Variants in PPA2 observed in about 807,000 individuals in gnomAD.
PPA2 encodes the protein inorganic pyrophosphatase 2, mitochondrial.
A neutral mutation model predicts 49.5 loss-of-function variants in PPA2; 48 were observed. That is an observed-to-expected ratio of 0.97 (90% CI 0.77 to 1.23). The LOEUF (loss-of-function observed/expected upper bound fraction) is 1.23. PPA2 is among the 50% of genes most tolerant of loss of function. The probability of loss-of-function intolerance (pLI) is 0.00; values close to 1 mark genes in which losing one functional copy is unlikely to be tolerated. For synonymous variants in PPA2, 131 were observed against 139.9 expected, an observed-to-expected ratio of 0.94 and a Z score of 0.45; for missense variants, 429 against 410.1, an observed-to-expected ratio of 1.05 and a Z score of -0.40.
intron 6 of PPA2, among the ~76,000 whole-genome samples, chr4:105,429,491 T>C (rs932445344): frequency 5.3e-5 from 8 of 152,212 alleles, no homozygotes; most frequent in Non-Finnish European, 1.0e-4. Flanking sequence ...TTTTAAGGTC[T>C]AAGGACAATT....
intron 7 of PPA2, among the ~76,000 whole-genome samples, chr4:105,416,787 T>A (rs1723031181): frequency 6.6e-6 from 1 of 152,340 alleles, no homozygotes; most frequent in South Asian, 2.1e-4. Context: ...ATGAAGAGTA[T>A]CTTTCATTGT....
chr4:105,415,005 C>G (rs549890739), intron 7 of PPA2, among the ~76,000 whole-genome samples: 3 of 152,106 alleles, frequency 2.0e-5, no homozygotes, highest in Non-Finnish European at 4.4e-5. Flanking sequence ...TAGCTCCTAA[C>G]GCAGGCAGGT....
At chr4:105,390,145 T>C (rs1056785693) in intron 9 of PPA2, among the ~76,000 whole-genome samples, 1 of 152,194 alleles carries the variant, frequency 6.6e-6, no homozygotes, top group African/African-American at 2.4e-5. Flanking sequence ...CCCTACACCT[T>C]ATACAAAAAA....
chr4:105,379,465 AT>A (rs1553923767), intron 10 of PPA2, among the ~76,000 whole-genome samples: 2 of 66,564 alleles, frequency 3.0e-5, no homozygotes, highest in Admixed American at 3.8e-4. Flanking sequence ...AGATAGATAG[AT>A]ATCTCAAGCA....
chr4:105,392,868 C>A (rs977368259), intron 9 of PPA2, among the ~76,000 whole-genome samples: 5 of 152,010 alleles, frequency 3.3e-5, no homozygotes, highest in African/African-American at 1.2e-4. Flanking sequence ...TAGTAACTGA[C>A]AGATGTAATG....
chr4:105,459,278 A>AG (rs1722991178), intron 1 of PPA2, among the ~76,000 whole-genome samples: 1 of 152,226 alleles, frequency 6.6e-6, no homozygotes, highest in African/African-American at 2.4e-5. Flanking sequence ...GCACTTAAAA[A>AG]AAACTTCTCT....
chr4:105,431,535 CT>C (rs1205456359), intron 6 of PPA2, among the ~76,000 whole-genome samples: 3 of 152,040 alleles, frequency 2.0e-5, no homozygotes, highest in Non-Finnish European at 4.4e-5. Flanking sequence ...TTGGTGGTTC[CT>C]CAAAGAGTAA....
intron 10 of PPA2, among the ~76,000 whole-genome samples, chr4:105,377,639 T>C (rs538950653): frequency 1.3e-5 from 2 of 152,248 alleles, no homozygotes; most frequent in South Asian, 4.1e-4. Context: ...ATCAATATAA[T>C]CAAGATAATA....
rs35970605 is a variant in PPA2 at position 105,446,123 on chromosome 4, GA to G, written c.441+259del. The stretch of plus-strand genomic sequence containing the variant: ...CACTGACACTTAATAGGCAAGACCA[GA>G]AAAAAAAAAATGTATTCAAAATGTC... On this transcript the variant is annotated intron_variant, in intron 5 of 11. Transcript: ENST00000341695. The G allele has an allele frequency of 0.27, 71,443 of 265,070 alleles. 7,339 individuals are homozygous for G. Among genetic ancestry groups the G allele is most frequent in the South Asian group, 0.34 (2,259 of 6,598 alleles). 16.4% of individuals were successfully genotyped at this position (265,070 alleles called of 1,614,324 possible).
intron 9 of PPA2, among the ~76,000 whole-genome samples, chr4:105,391,882 AAG>A (rs1228751517): frequency 1.2e-4 from 18 of 152,168 alleles, no homozygotes; most frequent in Admixed American, 8.5e-4. Context: ...TTAATAAAAA[AAG>A]AGTATGAGTA....
rs1437072707 is a variant in PPA2 at position 105,474,058 on chromosome 4, A to C, written c.-8T>G. The C allele has an allele frequency of 1.9e-6, 3 of 1,569,922 alleles. No homozygotes were observed. In the East Asian group the frequency reaches 7.0e-5, roughly 37 times the overall value. On this transcript the variant is annotated 5_prime_UTR_variant, in exon 1 of 12. Transcript: ENST00000341695. ...CCGCAGCAGCGCGCTCATGGCGTCA[A>C]TGACGGTCCTGCTGTGCGCGCGGAG...
intron 7 of PPA2, among the ~76,000 whole-genome samples, chr4:105,414,076 C>A (rs891995205): frequency 1.3e-5 from 2 of 151,820 alleles, no homozygotes; most frequent in African/African-American, 4.8e-5. Flanking sequence ...TACAAATAAG[C>A]CAATAGAAAT....
chr4:105,397,777 C>G lies in PPA2; in HGVS notation c.783+1260G>C, dbSNP rs116665869. The stretch of plus-strand genomic sequence containing the variant: ...TCCACCTCTCTCACTTGCTTCCTCT[C>G]TCACCCTGTGGCATGCCTGCTCCCC... On this transcript the variant is annotated intron_variant, in intron 8 of 11. Transcript: ENST00000341695. Among the ~76,000 whole-genome samples the G allele has an allele frequency of 6.4e-3, 970 of 152,260 alleles. 10 individuals carry two copies. The highest frequency in any genetic ancestry group is 0.021 in the African/African-American group (878 of 41,544).
At chr4:105,436,872 G>A (rs965754220) in intron 6 of PPA2, among the ~76,000 whole-genome samples, 8 of 152,062 alleles carry the variant, frequency 5.3e-5, no homozygotes, top group South Asian at 2.1e-4. Flanking sequence ...AAAAATTCCT[G>A]AAGAAAATCT....
At chr4:105,429,134 T>C (rs1194499640) in intron 6 of PPA2, among the ~76,000 whole-genome samples, 1 of 152,162 alleles carries the variant, frequency 6.6e-6, no homozygotes, top group Non-Finnish European at 1.5e-5. Context: ...GAATCAGAAG[T>C]TGAAGCAAAA....
intron 10 of PPA2, 136 bp downstream of exon 10, chr4:105,386,431 G>T (rs911949533): frequency 1.6e-6 from 1 of 627,310 alleles, no homozygotes; most frequent in Non-Finnish European, 2.5e-6. Flanking sequence ...TACAGAAATA[G>T]ATTTCAAGGT....
intron 10 of PPA2, among the ~76,000 whole-genome samples, chr4:105,379,491 C>G (rs901076089): frequency 6.6e-6 from 1 of 151,524 alleles, no homozygotes; most frequent in African/African-American, 2.4e-5. Flanking sequence ...TTTTTATATA[C>G]TGGCTCTTGT....
intron 7 of PPA2, among the ~76,000 whole-genome samples, chr4:105,408,905 T>C (rs1369940757): frequency 3.9e-5 from 6 of 152,206 alleles, no homozygotes; most frequent in African/African-American, 1.4e-4. Context: ...GATTCTAAAA[T>C]CTGTACACAA....
intron 5 of PPA2, among the ~76,000 whole-genome samples, chr4:105,445,244 C>T (rs1046832186): frequency 1.3e-5 from 2 of 152,196 alleles, no homozygotes; most frequent in Non-Finnish European, 2.9e-5. Context: ...CAGCATTACC[C>T]TCATCCACAC....
Sources: gnomAD v4.1 joint callset for allele counts (sites outside exome capture counted in the v4.1 genomes callset) on GRCh38, gnomAD v4.1.1 for gene constraint, MANE v1.5 for transcripts, NCBI Gene and HGNC (gene_info 2026-07-23, HGNC 2026-07-21) for gene names.